Variants in DLGAP2 observed in about 807,000 individuals in gnomAD.
DLGAP2 encodes DLG associated protein 2.
Under a neutral mutation model 100.3 loss-of-function variants are expected in DLGAP2, and 26 were observed. That is an observed-to-expected ratio of 0.26 (90% CI 0.19 to 0.36). DLGAP2 has a LOEUF of 0.36. DLGAP2 is among the 10% of genes least tolerant of loss of function. DLGAP2 has a pLI of 1.00. For missense variants in DLGAP2, 1,858 were observed against 1,453.2 expected (o/e 1.28, Z -4.53); for synonymous variants, 886 against 630.1 (o/e 1.41, Z -6.08).
chr8:1,637,687 TTAAG>T (rs1180754787), intron 8 of DLGAP2, among the ~76,000 whole-genome samples: 2 of 152,218 alleles, frequency 1.3e-5, no homozygotes, highest in Non-Finnish European at 2.9e-5. Flanking sequence ...TAAGCATTTA[TTAAG>T]TGTTTGCTGT....
At chr8:989,612 A>G (rs977579079) in intron 2 of DLGAP2, among the ~76,000 whole-genome samples, 3 of 152,154 alleles carry the variant, frequency 2.0e-5, no homozygotes, top group Non-Finnish European at 4.4e-5. Context: ...ACTGTGTTGA[A>G]AGGTAGACAT....
chr8:1,517,423 C>T (rs1800432330), intron 4 of DLGAP2, among the ~76,000 whole-genome samples: 1 of 152,140 alleles, frequency 6.6e-6, no homozygotes, highest in Admixed American at 6.5e-5. Context: ...CTTGGTCCTG[C>T]AACACCTTAC....
At chr8:1,423,236 A>G (rs1368552258) in intron 3 of DLGAP2, among the ~76,000 whole-genome samples, 2 of 152,156 alleles carry the variant, frequency 1.3e-5, no homozygotes, top group Non-Finnish European at 2.9e-5. Flanking sequence ...ACAGGTGTGT[A>G]GAGCTCAGAA....
chr8:1,290,269 C>T (rs1442041119), intron 3 of DLGAP2, among the ~76,000 whole-genome samples: 1 of 152,234 alleles, frequency 6.6e-6, no homozygotes, highest in Admixed American at 6.5e-5. Flanking sequence ...CGTCGCGCTC[C>T]TGACGTGGCT....
chr8:1,463,304 G>A (rs1183491547), intron 3 of DLGAP2, among the ~76,000 whole-genome samples: 6 of 152,202 alleles, frequency 3.9e-5, no homozygotes, highest in African/African-American at 1.4e-4. Context: ...CGGCCCCAGC[G>A]TTTGTGCTGG....
intron 3 of DLGAP2, among the ~76,000 whole-genome samples, chr8:1,385,160 A>G (rs1348652903): frequency 1.3e-5 from 1 of 76,930 alleles, no homozygotes; most frequent in African/African-American, 5.2e-5. Flanking sequence ...AACTTGGTGC[A>G]CAGTTACCCC....
chr8:1,287,131 CGTGTGTGTGTGT>C (rs33910191), intron 3 of DLGAP2, among the ~76,000 whole-genome samples: 8 of 136,908 alleles, frequency 5.8e-5, no homozygotes, highest in Non-Finnish European at 7.7e-5. Context: ...TTCGGTTCAG[CGTGTGTGTGTGT>C]GTGTGTGTGT....
intron 3 of DLGAP2, among the ~76,000 whole-genome samples, chr8:1,317,121 G>T (rs1800773571): frequency 7.2e-6 from 1 of 138,592 alleles, no homozygotes; most frequent in Non-Finnish European, 1.5e-5. Flanking sequence ...TGCGAGTGCA[G>T]CGTCTCTCCA....
At chr8:1,115,436 A>G (rs1279774250) in intron 2 of DLGAP2, among the ~76,000 whole-genome samples, 2 of 152,216 alleles carry the variant, frequency 1.3e-5, no homozygotes, top group African/African-American at 4.8e-5. Context: ...TTTACTGGGC[A>G]TGTTTCTTAA....
intron 2 of DLGAP2, among the ~76,000 whole-genome samples, chr8:1,194,780 C>G (rs1797713830): frequency 1.3e-5 from 2 of 152,178 alleles, no homozygotes; most frequent in Non-Finnish European, 2.9e-5. Context: ...CCCTCTGTTC[C>G]CTACAGAAGT....
intron 6 of DLGAP2, among the ~76,000 whole-genome samples, chr8:1,596,444 C>G (rs1378591156): frequency 6.6e-6 from 1 of 152,218 alleles, no homozygotes; most frequent in Non-Finnish European, 1.5e-5. Flanking sequence ...TGAGGAATCA[C>G]CACACGGTCT....
intron 13 of DLGAP2, among the ~76,000 whole-genome samples, chr8:1,693,312 T>C (rs983855867): frequency 1.3e-5 from 2 of 149,760 alleles, no homozygotes; most frequent in African/African-American, 4.9e-5. Context: ...ATACATTCTA[T>C]ATATACTGTA....
At chr8:763,808 A>G (rs989352173) in intron 1 of DLGAP2, among the ~76,000 whole-genome samples, 1 of 152,252 alleles carries the variant, frequency 6.6e-6, no homozygotes, top group Non-Finnish European at 1.5e-5. Flanking sequence ...AAAAATGAAA[A>G]GAATGAGGCA....
At chr8:941,831 G>GA (rs1402891736) in intron 2 of DLGAP2, among the ~76,000 whole-genome samples, 1 of 145,430 alleles carries the variant, frequency 6.9e-6, no homozygotes, top group Non-Finnish European at 1.5e-5. Flanking sequence ...TTTTTTTTTT[G>GA]AAAATCCTCC....
At chr8:1,360,466 T>C (rs1320382555) in intron 3 of DLGAP2, among the ~76,000 whole-genome samples, 1 of 99,336 alleles carries the variant, frequency 1.0e-5, no homozygotes, top group Non-Finnish European at 2.0e-5. Flanking sequence ...AGGAAGCAAA[T>C]TGAAGGGACC....
At chr8:1,480,577 C>T (rs1308100956) in intron 3 of DLGAP2, among the ~76,000 whole-genome samples, 1 of 152,152 alleles carries the variant, frequency 6.6e-6, no homozygotes, top group Non-Finnish European at 1.5e-5. Context: ...AGGCTGGACG[C>T]AGTGGCTCAC....
At chr8:786,807 G>T (rs572431587) in intron 1 of DLGAP2, among the ~76,000 whole-genome samples, 10 of 145,824 alleles carry the variant, frequency 6.9e-5, no homozygotes, top group African/African-American at 2.2e-4. Flanking sequence ...CTTGTCTTCC[G>T]TTTTTTTTTT....
At chr8:1,280,555 A>T (rs922329839) in intron 3 of DLGAP2, among the ~76,000 whole-genome samples, 1 of 152,190 alleles carries the variant, frequency 6.6e-6, no homozygotes, top group Non-Finnish European at 1.5e-5. Context: ...GCTCAAAGTT[A>T]AAGAACTTCA....
intron 4 of DLGAP2, among the ~76,000 whole-genome samples, chr8:1,506,661 C>G (rs1333543101): frequency 1.3e-5 from 2 of 152,212 alleles, no homozygotes; most frequent in African/African-American, 2.4e-5. Context: ...CTGGCCCCAC[C>G]CACATCCTGC....
Sources: allele counts gnomAD v4.1 joint callset (sites outside exome capture counted in the v4.1 genomes callset), GRCh38; gene constraint gnomAD v4.1.1; transcripts MANE v1.5; gene names NCBI Gene and HGNC (gene_info 2026-07-23, HGNC 2026-07-21).